The following BSPRY variants were observed in gnomAD, a reference collection of about 807,000 sequenced individuals.
The protein encoded by BSPRY is B box and SPRY domain-containing protein.
BSPRY carries 33 observed loss-of-function variants against 38.0 expected under a neutral mutation model. The observed-to-expected ratio is 0.87, with a 90% CI of 0.66 to 1.16. The LOEUF is 1.16. BSPRY is among the 50% of genes most tolerant of loss of function. The pLI is 0.00. For missense variants in BSPRY, 523 were observed against 533.2 expected (o/e 0.98, Z 0.19); for synonymous variants, 224 against 228.5 (o/e 0.98, Z 0.18).
At chr9:113,368,225 C>T in intron 4 of BSPRY, 34 bp from the exon 5 acceptor site, 1 of 1,604,286 alleles carries the variant, frequency 6.2e-7, no homozygotes, top group Admixed American at 1.7e-5. Flanking sequence ...CCAGAACCAT[C>T]CTGAATCTCT....
chr9:113,358,878 G>A (rs1481797282), intron 2 of BSPRY, among the ~76,000 whole-genome samples: 3 of 152,012 alleles, frequency 2.0e-5, no homozygotes, highest in East Asian at 1.9e-4. Flanking sequence ...GAGAATAATC[G>A]TGGGCTGGAT....
chr9:113,355,555 C>T (rs1234255426), intron 2 of BSPRY, among the ~76,000 whole-genome samples: 1 of 151,738 alleles, frequency 6.6e-6, no homozygotes, highest in Non-Finnish European at 1.5e-5. Context: ...ATTTTCTTGT[C>T]TTACTGCACT....
chr9:113,361,794 A>G (rs774938802), intron 3 of BSPRY, among the ~76,000 whole-genome samples: 1 of 152,196 alleles, frequency 6.6e-6, no homozygotes, highest in African/African-American at 2.4e-5. Context: ...TATTTGGTAC[A>G]TAGCCTTTCA....
intron 4 of BSPRY, among the ~76,000 whole-genome samples, chr9:113,367,119 C>G (rs1834265174): frequency 6.6e-6 from 1 of 152,170 alleles, no homozygotes; most frequent in Non-Finnish European, 1.5e-5. Flanking sequence ...GGGCTTCATC[C>G]CAGTTTTGTT....
intron 1 of BSPRY, among the ~76,000 whole-genome samples, 172 bp from the exon 2 acceptor site, chr9:113,354,068 G>A (rs957786076): frequency 2.0e-5 from 3 of 151,932 alleles, no homozygotes; most frequent in African/African-American, 7.3e-5. Context: ...GGGAGAGTGT[G>A]GATCCTTGAA....
intron 1 of BSPRY, among the ~76,000 whole-genome samples, chr9:113,351,192 A>G (rs1368481733): frequency 1.3e-5 from 2 of 152,098 alleles, no homozygotes; most frequent in African/African-American, 4.8e-5. Context: ...GCCTGGTGCT[A>G]GTTTCGGTAC....
chr9:113,355,768 C>T (rs894179651), intron 2 of BSPRY, among the ~76,000 whole-genome samples: 6 of 150,764 alleles, frequency 4.0e-5, no homozygotes, highest in East Asian at 1.9e-4. Flanking sequence ...GCGCCCACCA[C>T]GACACCCAGC....
At chr9:113,365,364 T>C (rs1834230467) in intron 4 of BSPRY, among the ~76,000 whole-genome samples, 1 of 152,228 alleles carries the variant, frequency 6.6e-6, no homozygotes, top group Non-Finnish European at 1.5e-5. Flanking sequence ...TACAGACTGA[T>C]GGATTCTTAT....
chr9:113,360,851 A>ATGAG (rs1290246903), intron 3 of BSPRY, 114 bp downstream of exon 3: 2 of 920,488 alleles, frequency 2.2e-6, no homozygotes, highest in African/African-American at 3.3e-5. Context: ...TGGAGCAGGG[A>ATGAG]TGAGTGACAA....
At chr9:113,360,473 A>G in intron 2 of BSPRY, 34 bp from the exon 3 acceptor site, 1 of 1,561,518 alleles carries the variant, frequency 6.4e-7, no homozygotes, top group African/African-American at 1.3e-5. Flanking sequence ...GGCTTTGCAC[A>G]GACCACCCAA....
At position 113,370,357 on chromosome 9, in the gene BSPRY, TGAA is replaced by T. The variant is rs550183915; in HGVS notation, c.*222_*224del. ...ACTTTTGGCTTCCCTGGGCCACATT[TGAA>T]GAAGAATTTTCTTGGGCCACATAAA... On this transcript the variant is annotated 3_prime_UTR_variant, in exon 6 of 6. Transcript: ENST00000374183. The surrounding 1 kb of genome is among the most constrained non-coding windows in gnomAD (Gnocchi z 4.8). 1.8e-4 allele frequency: 79 copies of T among 438,618 alleles called. No homozygotes were observed. Among genetic ancestry groups the T allele is most frequent in the African/African-American group, 1.3e-3 (66 of 49,160 alleles). The allele number at this position is 438,618 out of a possible 1,614,324, so 27.2% of individuals were successfully genotyped here. A position where few individuals can be genotyped will look rare whatever the true frequency, so the allele number is the denominator to read the frequency against.
intron 2 of BSPRY, among the ~76,000 whole-genome samples, chr9:113,355,416 GC>G (rs1564334672): frequency 6.6e-6 from 1 of 152,166 alleles, no homozygotes; most frequent in Non-Finnish European, 1.5e-5. Flanking sequence ...CCTAAAAGGG[GC>G]TAGACCAGGA....
intron 2 of BSPRY, among the ~76,000 whole-genome samples, chr9:113,358,022 A>G (rs1834091573): frequency 6.8e-6 from 1 of 148,140 alleles, no homozygotes; most frequent in African/African-American, 2.5e-5. Context: ...CAAGGCCAGG[A>G]GGATCACTTG....
chr9:113,361,159 C>T (rs1465087035), intron 3 of BSPRY, among the ~76,000 whole-genome samples: 1 of 152,120 alleles, frequency 6.6e-6, no homozygotes, highest in African/African-American at 2.4e-5. Context: ...CATCCACTAA[C>T]CCCCAACCCT....
chr9:113,356,810 G>T (rs988491933), intron 2 of BSPRY, among the ~76,000 whole-genome samples: 1 of 152,186 alleles, frequency 6.6e-6, no homozygotes, highest in Non-Finnish European at 1.5e-5. Flanking sequence ...TGAACTGGGT[G>T]GGGGAAGGAC....
rs189024244 is a variant in BSPRY, at chr9:113,369,512, T to C, written c.683-104T>C. On this transcript the variant is annotated intron_variant, in intron 5 of 5. Transcript: ENST00000374183. ...GCTCAGAGAGAGTAAATGGCTTATA[T>C]GAGGTCACCATGCTAGTGAGTGGTG... The C allele has an allele frequency of 3.8e-3, 4,571 of 1,210,018 alleles. 87 individuals are homozygous for C. In the Admixed American group the frequency reaches 0.045, roughly 12 times the overall value. 75.0% of individuals were successfully genotyped at this position (1,210,018 alleles called of 1,614,324 possible). A position where few individuals can be genotyped will look rare whatever the true frequency, so the allele number is the denominator to read the frequency against.
intron 4 of BSPRY, among the ~76,000 whole-genome samples, chr9:113,363,020 A>G (rs1462600031): frequency 2.6e-5 from 4 of 152,174 alleles, no homozygotes; most frequent in Non-Finnish European, 2.9e-5. Flanking sequence ...AACACAGTCC[A>G]TTCTTCTTAT....
At chr9:113,354,890 G>A (rs1228683376) in intron 2 of BSPRY, among the ~76,000 whole-genome samples, 4 of 151,938 alleles carry the variant, frequency 2.6e-5, no homozygotes, top group Non-Finnish European at 5.9e-5. Flanking sequence ...TTGAGATGGG[G>A]CCTCACTCTG....
chr9:113,366,184 T>TTATTTTACAG (rs1834248009), intron 4 of BSPRY, among the ~76,000 whole-genome samples: 1 of 152,200 alleles, frequency 6.6e-6, no homozygotes, highest in South Asian at 2.1e-4. Context: ...GTACCTTTTG[T>TTATTTTACAG]TATTTTACAG....
Sources: allele counts gnomAD v4.1 joint callset (sites outside exome capture counted in the v4.1 genomes callset), GRCh38; gene constraint gnomAD v4.1.1; non-coding constraint Gnocchi (gnomAD v3.1); transcripts MANE v1.5; gene names NCBI Gene and HGNC (gene_info 2026-07-23, HGNC 2026-07-21).